Variants in PODXL2 observed in about 807,000 individuals in gnomAD.
The protein encoded by PODXL2 is podocalyxin like 2.
In PODXL2, 17 loss-of-function variants were observed where a neutral mutation model predicts 53.4. The ratio of observed to expected loss-of-function variants is 0.32; its 90% confidence interval spans 0.22 to 0.48. The LOEUF (loss-of-function observed/expected upper bound fraction) is 0.48. Among genes scored for constraint, PODXL2 ranks in the 20% least tolerant of loss-of-function variants. The pLI is 0.99. For missense variants in PODXL2, 673 were observed against 760.0 expected (o/e 0.89, Z 1.35); for synonymous variants, 311 against 306.7 (o/e 1.01, Z -0.15).
At chr3:127,650,340 AGC>A (rs1245355083) in intron 2 of PODXL2, among the ~76,000 whole-genome samples, 7 of 152,176 alleles carry the variant, frequency 4.6e-5, no homozygotes, top group African/African-American at 1.7e-4. Flanking sequence ...TAGGGAACAA[AGC>A]CAGCACCATA....
At chr3:127,650,578 A>G (rs1028357566) in intron 2 of PODXL2, among the ~76,000 whole-genome samples, 1 of 152,204 alleles carries the variant, frequency 6.6e-6, no homozygotes, top group East Asian at 1.9e-4. Flanking sequence ...TCAGTTTTCA[A>G]TAGTTCATTC....
At chr3:127,642,728 G>T (rs1490183274) in intron 2 of PODXL2, among the ~76,000 whole-genome samples, 2 of 152,146 alleles carry the variant, frequency 1.3e-5, no homozygotes, top group Non-Finnish European at 2.9e-5. Context: ...TACAGAATAT[G>T]TGTATTCTAT....
chr3:127,649,894 A>G (rs1164723046), intron 2 of PODXL2, among the ~76,000 whole-genome samples: 3 of 152,258 alleles, frequency 2.0e-5, no homozygotes, highest in Non-Finnish European at 4.4e-5. Context: ...CCCAGATCAC[A>G]CTGCTGCACT....
At chr3:127,654,082 A>G (rs1264331579) in intron 2 of PODXL2, among the ~76,000 whole-genome samples, 1 of 152,228 alleles carries the variant, frequency 6.6e-6, no homozygotes, top group Non-Finnish European at 1.5e-5. Context: ...AAAAAAGAGC[A>G]GGGTTTCATA....
At chr3:127,656,359 G>A (rs945615948) in intron 2 of PODXL2, among the ~76,000 whole-genome samples, 1 of 152,192 alleles carries the variant, frequency 6.6e-6, no homozygotes, top group African/African-American at 2.4e-5. Flanking sequence ...GCAGGCCAAG[G>A]CAGGAGGATC....
chr3:127,672,440 C>G lies in PODXL2; in HGVS notation c.1778C>G (p.Pro593Arg). 7 of 1,538,878 alleles carry G rather than the reference C, an allele frequency of 4.5e-6. No individual in the cohort carries two copies. Among genetic ancestry groups the G allele is most frequent in the Non-Finnish European group, 6.1e-6 (7 of 1,144,740 alleles). The change falls in exon 8 of 8, where the codon CCC becomes CGC. Residue 593 changes from proline to arginine, a missense_variant. By Grantham distance (103) the Pro-to-Arg change is moderately radical. This residue lies in a region of PODXL2 where 79 missense variants were observed against 70.5 expected (regional missense o/e 1.12). Transcript: ENST00000342480. The stretch of plus-strand genomic sequence containing the variant: ...GCGCTCATGGGGGGCAAGCGGGACC[C>G]CGAGGACTCGGACGTGTTCGAGGAG... ...WGALMGGKRD[P>R]EDSDVFEEDT...
chr3:127,657,139 G>A (rs2074730240), intron 2 of PODXL2, among the ~76,000 whole-genome samples: 1 of 152,212 alleles, frequency 6.6e-6, no homozygotes, highest in Non-Finnish European at 1.5e-5. Flanking sequence ...GCTGCCGACA[G>A]CGTGACTGAT....
chr3:127,659,940 C>T (rs942414520), intron 2 of PODXL2, among the ~76,000 whole-genome samples: 5 of 152,190 alleles, frequency 3.3e-5, no homozygotes, highest in African/African-American at 1.2e-4. Context: ...AGACCTCCTT[C>T]GGGGACTCCA....
At position 127,672,439 on chromosome 3, in the gene PODXL2, C is replaced by A; in HGVS notation, c.1777C>A (p.Pro593Thr). Residue 593 changes from proline to threonine, a missense_variant, in exon 8 of 8, where the codon CCC becomes ACC. This residue lies in a region of PODXL2 where 79 missense variants were observed against 70.5 expected (regional missense o/e 1.12). Transcript: ENST00000342480. ...GGCGCTCATGGGGGGCAAGCGGGACCCCGAGGACTCGGACGTGTTCGAGGA... is the reference window on the plus strand; with the variant it reads ...GGCGCTCATGGGGGGCAAGCGGGACACCGAGGACTCGGACGTGTTCGAGGA... The part of the protein sequence containing the change: ...WGALMGGKRD[P>T]EDSDVFEEDT... 3 of 1,538,702 alleles carry A rather than the reference C, an allele frequency of 1.9e-6. No homozygotes were observed. The highest frequency in any genetic ancestry group is 2.6e-6 in the Non-Finnish European group (3 of 1,144,614).
chr3:127,651,442 C>T (rs73861557), intron 2 of PODXL2, among the ~76,000 whole-genome samples: 10 of 152,252 alleles, frequency 6.6e-5, no homozygotes, highest in Non-Finnish European at 1.2e-4. Context: ...CTAGCAGGTG[C>T]TGCTCACTTA....
At chr3:127,666,861 T>A (rs1243964936) in intron 4 of PODXL2, among the ~76,000 whole-genome samples, 1 of 152,218 alleles carries the variant, frequency 6.6e-6, no homozygotes. Context: ...GGCAGACATA[T>A]GTACCCAGGA....
At chr3:127,662,036 C>T (rs41266481) in intron 3 of PODXL2, among the ~76,000 whole-genome samples, 200 of 152,302 alleles carry the variant, frequency 1.3e-3, no homozygotes, top group Non-Finnish European at 2.5e-3. Flanking sequence ...CAATACATTC[C>T]CTGCTTGGTC....
chr3:127,641,202 G>A (rs115687667), intron 2 of PODXL2, among the ~76,000 whole-genome samples: 13,761 of 152,006 alleles, frequency 0.091, 803 homozygotes, highest in Non-Finnish European at 0.12. Context: ...CTGAGCCACC[G>A]CACCCGGACA....
At chr3:127,640,097 G>A (rs2074605371) in intron 2 of PODXL2, among the ~76,000 whole-genome samples, 2 of 152,214 alleles carry the variant, frequency 1.3e-5, no homozygotes, top group Admixed American at 6.5e-5. Flanking sequence ...GAGCCCAGCT[G>A]GTGAACATTT....
At chr3:127,644,206 G>T (rs1421104479) in intron 2 of PODXL2, among the ~76,000 whole-genome samples, 1 of 152,106 alleles carries the variant, frequency 6.6e-6, no homozygotes. Context: ...CTGCCTCCGA[G>T]GTTCAAGTGA....
At chr3:127,652,189 G>T (rs1425780305) in intron 2 of PODXL2, among the ~76,000 whole-genome samples, 3 of 152,224 alleles carry the variant, frequency 2.0e-5, no homozygotes, top group African/African-American at 7.2e-5. Flanking sequence ...CTTAGAGCAA[G>T]AATCCTCCTC....
Position 127,672,409 on chromosome 3 carries a change from TG to T in PODXL2, c.1753del (p.Ala585ArgfsTer101). ...CGGGGCCCTCAACGGCCCGGGGAGC[TG>T]GGGGGCGCTCATGGGGGGCAAGCGG... ...GGGALNGPGS[W>X]GALMGGKRDP... is the part of the protein sequence containing the mutation. On this transcript the variant is annotated frameshift_variant, in exon 8 of 8. Transcript: ENST00000342480. LOFTEE classifies it high-confidence loss of function. 2.6e-6 allele frequency: 4 copies of T among 1,542,594 alleles called. No homozygotes were observed.
intron 2 of PODXL2, among the ~76,000 whole-genome samples, chr3:127,646,474 G>C (rs376862535): frequency 2.6e-5 from 4 of 151,066 alleles, no homozygotes; most frequent in East Asian, 3.9e-4. Context: ...TGCAACCTCC[G>C]CCTCCCAGGT....
chr3:127,649,168 A>G (rs2074674096), intron 2 of PODXL2, among the ~76,000 whole-genome samples: 1 of 152,170 alleles, frequency 6.6e-6, no homozygotes, highest in Non-Finnish European at 1.5e-5. Flanking sequence ...AATAGTGGAC[A>G]CTGTGGTATA....
Sources: gnomAD v4.1 joint callset for allele counts (sites outside exome capture counted in the v4.1 genomes callset) on GRCh38, gnomAD v4.1.1 for gene constraint, gnomAD v4.1.1 regional missense constraint, MANE v1.5 for transcripts, NCBI Gene and HGNC (gene_info 2026-07-23, HGNC 2026-07-21) for gene names.